PAX2: variants seen among roughly 807,000 people sequenced by gnomAD.
The protein encoded by PAX2 is paired box protein Pax-2.
In PAX2, 9 loss-of-function variants were observed where a neutral mutation model predicts 41.7. The observed-to-expected ratio is 0.22, with a 90% confidence interval of 0.13 to 0.38. The LOEUF (loss-of-function observed/expected upper bound fraction) is 0.38, where lower values mean the gene tolerates loss of function less well. Among genes scored for constraint, PAX2 ranks in the 10% least tolerant of loss-of-function variants. The probability of loss-of-function intolerance (pLI) is 1.00; values close to 1 mark genes in which losing one functional copy is unlikely to be tolerated. For missense variants in PAX2, 418 were observed against 531.6 expected (o/e 0.79, Z 2.10); for synonymous variants, 221 against 212.7 (o/e 1.04, Z -0.34).
intron 3 of PAX2, among the ~76,000 whole-genome samples, chr10:100,751,833 G>A (rs1479780637): frequency 2.0e-5 from 3 of 152,132 alleles, no homozygotes; most frequent in Non-Finnish European, 1.5e-5. Context: ...ACTGACAGTT[G>A]TTCACAGAGT....
rs1427812344 is a variant in PAX2, at chr10:100,828,527, C to G, written c.*908C>G. 1 of 233,650 alleles carries G rather than the reference C, an allele frequency of 4.3e-6. No individual in the cohort carries two copies. Among genetic ancestry groups the G allele is most frequent in the African/African-American group, 2.2e-5 (1 of 45,444 alleles). 14.5% of individuals were successfully genotyped at this position (233,650 alleles called of 1,614,324 possible). A position where few individuals can be genotyped will look rare whatever the true frequency, so the allele number is the denominator to read the frequency against. ...GTCCCTTGACGCCCTGCATCCTCCT[C>G]CCTGACTCGCAGCCCCATCGGACGC... On this transcript the variant is annotated 3_prime_UTR_variant, in exon 10 of 10. Transcript: ENST00000355243. The surrounding 1 kb of genome is among the most constrained non-coding windows in gnomAD (Gnocchi z 6.5).
rs981908124 is a variant in PAX2, at chr10:100,748,657, G to GT, written c.44-1089_44-1088insT. ...GGCCAGGGAGAATGGGGCACAGGAA[G>GT]CACCCTCAGGCCTGGCACCCAGTGG... On this transcript the variant is annotated intron_variant, in intron 1 of 9. Coordinates refer to ENST00000355243, the MANE Select transcript of PAX2 (RefSeq NM_000278.5). The surrounding 1 kb of genome is among the most constrained non-coding windows in gnomAD (Gnocchi z 5.0). 1 of 985,344 alleles carries GT rather than the reference G, an allele frequency of 1.0e-6. No homozygotes were observed. The highest frequency in any genetic ancestry group is 1.7e-5 in the African/African-American group (1 of 57,254). The allele number at this position is 985,344 out of a possible 1,614,324, so 61.0% of individuals were successfully genotyped here. A position where few individuals can be genotyped will look rare whatever the true frequency, so the allele number is the denominator to read the frequency against.
chr10:100,767,631 G>T (rs1375759337), intron 3 of PAX2, among the ~76,000 whole-genome samples: 1 of 152,112 alleles, frequency 6.6e-6, no homozygotes, highest in African/African-American at 2.4e-5. Flanking sequence ...GATTCAGTCT[G>T]CAAGCAATTT....
chr10:100,745,745 C>A lies in PAX2; in HGVS notation c.-516C>A, dbSNP rs1016460537. 2 of 1,039,238 alleles carry A rather than the reference C, an allele frequency of 1.9e-6. No individual in the cohort carries two copies. The highest frequency in any genetic ancestry group is 1.7e-5 in the African/African-American group (1 of 59,368). 64.4% of individuals were successfully genotyped at this position (1,039,238 alleles called of 1,614,324 possible). A position where few individuals can be genotyped will look rare whatever the true frequency, so the allele number is the denominator to read the frequency against. Reference sequence around the variant, plus strand: ...GGCCCGCGCGCTCCCCTCCCGCAGGCGCCACCTCGGACATCCCCGGGATTG... The same window carrying A: ...GGCCCGCGCGCTCCCCTCCCGCAGGAGCCACCTCGGACATCCCCGGGATTG... On this transcript the variant is annotated 5_prime_UTR_variant, in exon 1 of 10. Coordinates refer to ENST00000355243, the MANE Select transcript of PAX2 (RefSeq NM_000278.5).
chr10:100,749,146 G>A, intron 1 of PAX2: 1 of 985,724 alleles, frequency 1.0e-6, no homozygotes, highest in South Asian at 4.7e-5. Context: ...AACAACACAG[G>A]AAAGAGGTAG....
intron 7 of PAX2, among the ~76,000 whole-genome samples, chr10:100,817,191 CA>C (rs142078281): frequency 0.011 from 1,695 of 152,276 alleles, 38 homozygotes; most frequent in African/African-American, 0.039. Context: ...GAGAAGGCAA[CA>C]CAGGGACGTT....
rs915786081 is a variant in PAX2, at chr10:100,791,921, G to T, written c.616+10556G>T. On this transcript the variant is annotated intron_variant, in intron 5 of 9. Coordinates refer to ENST00000355243, the MANE Select transcript of PAX2 (RefSeq NM_000278.5). The surrounding 1 kb of genome is among the most constrained non-coding windows in gnomAD (Gnocchi z 4.5). Reference sequence around the variant, plus strand: ...CAGCCAGCTTGTAGGAGCCGCCTGGGTGAGGGACAGTGTGGGTGGTCTTGG... The same window carrying T: ...CAGCCAGCTTGTAGGAGCCGCCTGGTTGAGGGACAGTGTGGGTGGTCTTGG... Among the ~76,000 whole-genome samples, 2 of 152,210 alleles carry T rather than the reference G, an allele frequency of 1.3e-5. No individual in the cohort carries two copies. The highest frequency in any genetic ancestry group is 2.9e-5 in the Non-Finnish European group (2 of 68,046).
At chr10:100,753,390 G>A (rs1188254877) in intron 3 of PAX2, among the ~76,000 whole-genome samples, 1 of 152,210 alleles carries the variant, frequency 6.6e-6, no homozygotes, top group African/African-American at 2.4e-5. Flanking sequence ...AGGTTTATCT[G>A]AGATGTATTG....
At chr10:100,795,771 A>G (rs1477402491) in intron 5 of PAX2, among the ~76,000 whole-genome samples, 1 of 152,118 alleles carries the variant, frequency 6.6e-6, no homozygotes, top group Non-Finnish European at 1.5e-5. Context: ...TCCTGTGTGG[A>G]CCTGGGAAAG....
chr10:100,749,351 G>C (rs904632634), intron 1 of PAX2: 2 of 1,019,030 alleles, frequency 2.0e-6, no homozygotes, highest in African/African-American at 3.4e-5. Context: ...GCGCAGGCGG[G>C]ATGCTGCTTC....
chr10:100,783,759 T>C (rs1004065177), intron 5 of PAX2, among the ~76,000 whole-genome samples: 3 of 147,974 alleles, frequency 2.0e-5, no homozygotes, highest in Non-Finnish European at 3.0e-5. Flanking sequence ...AGTGTGACAG[T>C]GATGCACCAG....
At chr10:100,804,969 C>G (rs1201019270) in intron 5 of PAX2, among the ~76,000 whole-genome samples, 1 of 151,392 alleles carries the variant, frequency 6.6e-6, no homozygotes, top group Non-Finnish European at 1.5e-5. Context: ...CTCTCTTTCT[C>G]TCTCTCCTTC....
At position 100,806,478 on chromosome 10, in the gene PAX2, A is replaced by G. The variant is rs1417058292; in HGVS notation, c.665A>G (p.Asp222Gly). 3.7e-6 allele frequency: 6 copies of G among 1,614,082 alleles called. No individual in the cohort carries two copies. The African/African-American group carries it at 4.0e-5, about 11-fold the overall frequency. The change falls in exon 6 of 10, where the codon GAC (aspartate) becomes GGC (glycine). Residue 222 changes from aspartate to glycine, a missense_variant. Physicochemically the swap from Asp to Gly is moderately conservative, Grantham distance 94. This residue lies in a region of PAX2 where 310 missense variants were observed against 325.2 expected (regional missense o/e 0.95). Coordinates refer to ENST00000355243, the MANE Select transcript of PAX2 (RefSeq NM_000278.5). ...VPNGDSQSGVDSLRKHLRADT... is the reference protein window; with the variant it reads ...VPNGDSQSGVGSLRKHLRADT... Reference sequence around the variant, plus strand: ...AATGGAGATTCCCAGAGTGGTGTGGACAGTTTGCGGAAGCACTTGCGAGCT... The same window carrying G: ...AATGGAGATTCCCAGAGTGGTGTGGGCAGTTTGCGGAAGCACTTGCGAGCT...
rs1367276466 is a variant in PAX2, at chr10:100,827,061, C to A, written c.1074C>A (p.Asn358Lys). 3 of 1,613,522 alleles carry A rather than the reference C, an allele frequency of 1.9e-6. No homozygotes were observed. Among genetic ancestry groups the A allele is most frequent in the Non-Finnish European group, 2.5e-6 (3 of 1,179,580 alleles). The part of the protein sequence containing the change: ...PYSHPQYTAY[N>K]EAWRFSNPAL... ...GCCACCCCCAGTACACGGCCTACAACGAGGCTTGGAGATTCAGCAACCCCG... is the reference window on the plus strand; with the variant it reads ...GCCACCCCCAGTACACGGCCTACAAAGAGGCTTGGAGATTCAGCAACCCCG... The change falls in exon 9 of 10, where the codon AAC (asparagine) becomes AAA (lysine). Residue 358 changes from asparagine (N) to lysine (K), a missense_variant. By Grantham distance (94) the Asn-to-Lys change is moderately conservative. Transcript: ENST00000355243. This position sits in a 1 kb window ranked among gnomAD's most constrained non-coding sequence, Gnocchi z 8.5.
chr10:100,789,094 G>A (rs537943364), intron 5 of PAX2, among the ~76,000 whole-genome samples: 1 of 152,278 alleles, frequency 6.6e-6, no homozygotes, highest in Admixed American at 6.5e-5. Context: ...CAGCTGAGCA[G>A]AGTTTTTGCT....
At chr10:100,806,971 C>T (rs1847807185) in intron 6 of PAX2, among the ~76,000 whole-genome samples, 1 of 152,068 alleles carries the variant, frequency 6.6e-6, no homozygotes, top group African/African-American at 2.4e-5. Context: ...CAGGAACATC[C>T]TCTTGCTGTG....
At chr10:100,825,119 T>C in intron 8 of PAX2, 2 of 768,574 alleles carry the variant, frequency 2.6e-6, no homozygotes, top group Non-Finnish European at 4.6e-6. Flanking sequence ...CTGGTTTCCA[T>C]GGAAACTTGG....
At chr10:100,752,547 C>G (rs1845480425) in intron 3 of PAX2, among the ~76,000 whole-genome samples, 1 of 152,208 alleles carries the variant, frequency 6.6e-6, no homozygotes. Context: ...AAGAGAAGAA[C>G]AGCCAAGGGC....
intron 8 of PAX2, among the ~76,000 whole-genome samples, chr10:100,825,347 AG>A (rs1370929611): frequency 1.3e-5 from 2 of 152,210 alleles, no homozygotes; most frequent in East Asian, 3.9e-4. Context: ...ACCTCTTCAG[AG>A]GCACCCAGCC....
Sources: allele counts gnomAD v4.1 joint callset (sites outside exome capture counted in the v4.1 genomes callset), GRCh38; gene constraint gnomAD v4.1.1; regional missense constraint gnomAD v4.1.1; non-coding constraint Gnocchi (gnomAD v3.1); transcripts MANE v1.5; gene names NCBI Gene and HGNC (gene_info 2026-07-23, HGNC 2026-07-21).